The following SMIM18 variants were observed in gnomAD, a reference collection of about 807,000 sequenced individuals.
The protein encoded by SMIM18 is small integral membrane protein 18.
A neutral mutation model predicts 5.9 loss-of-function variants in SMIM18; 4 were observed. The ratio of observed to expected loss-of-function variants is 0.68; its 90% CI spans 0.33 to 1.56. The LOEUF is 1.56. SMIM18 is among the 40% of genes most tolerant of loss of function. The pLI is 0.06. For synonymous variants in SMIM18, 37 were observed against 37.4 expected, an observed-to-expected ratio of 0.99 and a Z score of 0.04; for missense variants, 89 against 109.7, an observed-to-expected ratio of 0.81 and a Z score of 0.84.
At position 30,642,793 on chromosome 8, in the gene SMIM18, C is replaced by T. The variant is rs116678913; in HGVS notation, c.-110-1699C>T. On this transcript the variant is annotated intron_variant, in intron 1 of 2. Transcript: ENST00000517349. ...TGTGAATAAACTATATTAATTTAAC[C>T]AGAAGAATAGCTCATTAATGGATAC... Among the ~76,000 whole-genome samples the T allele has an allele frequency of 3.4e-3, 514 of 152,250 alleles. 5 individuals are homozygous for T. Among genetic ancestry groups the T allele is most frequent in the African/African-American group, 0.012 (489 of 41,542 alleles).
chr8:30,641,869 C>T (rs113541553), intron 1 of SMIM18, among the ~76,000 whole-genome samples: 5,172 of 152,162 alleles, frequency 0.034, 291 homozygotes, highest in African/African-American at 0.12. Flanking sequence ...GAACGAGACT[C>T]TGTCTCAAAC....
intron 2 of SMIM18, among the ~76,000 whole-genome samples, chr8:30,645,047 G>T (rs1802016693): frequency 6.6e-6 from 1 of 152,144 alleles, no homozygotes; most frequent in African/African-American, 2.4e-5. Context: ...ACCATGCCTG[G>T]CCTGAATCTT....
Position 30,645,351 on chromosome 8 carries a change from T to A in SMIM18, c.42T>A (p.Tyr14Ter). 6.5e-7 allele frequency: 1 copy of A among 1,535,714 alleles called. No individual in the cohort carries two copies. The highest frequency in any genetic ancestry group is 8.7e-7 in the Non-Finnish European group (1 of 1,146,900). ...SHWNETTTSVYQYLGFQVQKI... is the reference protein window; with the variant it reads ...SHWNETTTSV ...GGAATGAAACCACTACCTCTGTTTA[T>A]CAGTACCTTGGTTTTCAAGTTCAAA... The change falls in exon 3 of 3, where the codon TAT becomes TAA. Residue 14 changes from tyrosine (Y) to a stop codon, truncating the protein, a stop_gained. Transcript: ENST00000517349. LOFTEE classifies it high-confidence loss of function.
chr8:30,644,756 T>C (rs1802001398), intron 2 of SMIM18, among the ~76,000 whole-genome samples, 184 bp downstream of exon 2: 1 of 152,022 alleles, frequency 6.6e-6, no homozygotes, highest in Non-Finnish European at 1.5e-5. Flanking sequence ...ATGAATTTTT[T>C]TTTTTTTTTT....
chr8:30,645,205 AG>A, intron 2 of SMIM18, 75 bp from the exon 3 acceptor site: 2 of 1,230,884 alleles, frequency 1.6e-6, no homozygotes, highest in Admixed American at 5.7e-5. Flanking sequence ...AAATTTACTA[AG>A]AAATCTTAGT....
chr8:30,640,893 C>T (rs1028815674), intron 1 of SMIM18, among the ~76,000 whole-genome samples: 4 of 152,172 alleles, frequency 2.6e-5, no homozygotes, highest in East Asian at 1.9e-4. Flanking sequence ...TTAGCAGAGA[C>T]GGAGTTTCGC....
Sources: gnomAD v4.1 joint callset for allele counts (sites outside exome capture counted in the v4.1 genomes callset) on GRCh38, gnomAD v4.1.1 for gene constraint, MANE v1.5 for transcripts, NCBI Gene and HGNC (gene_info 2026-07-23, HGNC 2026-07-21) for gene names.